USH2A: variants seen among roughly 807,000 people sequenced by gnomAD.
USH2A encodes Usher syndrome 2A (autosomal recessive, mild).
A neutral mutation model predicts 538.9 loss-of-function variants in USH2A; 443 were observed. That is an observed-to-expected ratio of 0.82 (90% CI 0.76 to 0.89). The LOEUF is 0.89. Among genes scored for constraint, USH2A ranks in the 40% least tolerant of loss-of-function variants. The pLI, the probability that USH2A is intolerant of heterozygous loss-of-function variation, is 0.00. For synonymous variants in USH2A, 2,413 were observed against 2,273.5 expected, an observed-to-expected ratio of 1.06 and a Z score of -1.75; for missense variants, 6,633 against 6,324.8, an observed-to-expected ratio of 1.05 and a Z score of -1.65.
chr1:215,791,562 T>A (rs1181966593), intron 50 of USH2A, among the ~76,000 whole-genome samples: 1 of 152,236 alleles, frequency 6.6e-6, no homozygotes, highest in African/African-American at 2.4e-5. Flanking sequence ...TAAAAACTCT[T>A]ATTTATGATT....
intron 51 of USH2A, among the ~76,000 whole-genome samples, chr1:215,788,301 AG>A: frequency 6.6e-6 from 1 of 152,210 alleles, no homozygotes; most frequent in Non-Finnish European, 1.5e-5. Flanking sequence ...CAGTAGGAGA[AG>A]CCACCTGACT....
chr1:216,307,986 G>T (rs976198678), intron 9 of USH2A, among the ~76,000 whole-genome samples: 2 of 152,104 alleles, frequency 1.3e-5, no homozygotes. Flanking sequence ...GTGGATTCTC[G>T]TGGCTTTCCT....
At chr1:215,630,768 G>T (rs1040896696) in intron 70 of USH2A, among the ~76,000 whole-genome samples, 1 of 151,198 alleles carries the variant, frequency 6.6e-6, no homozygotes, top group Non-Finnish European at 1.5e-5. Flanking sequence ...CAGGAGAATC[G>T]CTTGAACCCA....
intron 35 of USH2A, among the ~76,000 whole-genome samples, chr1:215,974,768 CTT>C (rs1337990366): frequency 6.6e-6 from 1 of 152,066 alleles, no homozygotes; most frequent in African/African-American, 2.4e-5. Context: ...GATTCCATGT[CTT>C]TGCTCTTGTG....
intron 21 of USH2A, among the ~76,000 whole-genome samples, chr1:216,165,854 G>T (rs2034156941): frequency 6.9e-6 from 1 of 145,478 alleles, no homozygotes; most frequent in Admixed American, 6.9e-5. Context: ...GGCAGTATTT[G>T]GTTATATGAA....
chr1:216,277,720 T>G (rs745855332), intron 11 of USH2A, among the ~76,000 whole-genome samples: 5 of 152,122 alleles, frequency 3.3e-5, no homozygotes, highest in East Asian at 1.9e-4. Flanking sequence ...TCTATATAAC[T>G]AGTTAGCAAT....
chr1:216,074,180 G>A (rs1447514641), intron 27 of USH2A, among the ~76,000 whole-genome samples: 6 of 152,200 alleles, frequency 3.9e-5, no homozygotes, highest in African/African-American at 1.4e-4. Flanking sequence ...CATCCAGTTA[G>A]CCAGGGAATA....
rs565628100 is a variant in USH2A, at chr1:216,223,658, C to T, written c.2994-6108G>A. Among the ~76,000 whole-genome samples, 27 of 152,306 alleles carry T rather than the reference C, an allele frequency of 1.8e-4. No individual in the cohort carries two copies. The East Asian group carries it at 5.0e-3, about 28-fold the overall frequency. ...GCCTTGGCTGCCAGATGATGACAGG[C>T]TTGTGGCCCATTTACCCTGTCACCC... On this transcript the variant is annotated intron_variant, in intron 14 of 71. Transcript: ENST00000307340.
chr1:215,965,562 C>A, intron 36 of USH2A, 83 bp from the exon 37 acceptor site: 5 of 1,527,260 alleles, frequency 3.3e-6, no homozygotes, highest in East Asian at 2.3e-5. Flanking sequence ...CAAAGAATCT[C>A]TTTTTGCTGT....
Position 216,033,685 on chromosome 1 carries a change from T to C in USH2A, c.6325+12746A>G, listed in dbSNP as rs962957374. Among the ~76,000 whole-genome samples, 20 of 152,168 alleles carry C rather than the reference T, an allele frequency of 1.3e-4. No homozygotes were observed. The East Asian group carries it at 3.9e-3, about 29-fold the overall frequency. On this transcript the variant is annotated intron_variant, in intron 32 of 71. Transcript: ENST00000307340. ...GGGCAACATGGTGAAACCTCATCTC[T>C]ACAAAAATTAGCCAGGTGTAGTGGC...
intron 58 of USH2A, among the ~76,000 whole-genome samples, chr1:215,752,720 T>A (rs1660659667): frequency 6.6e-6 from 1 of 152,192 alleles, no homozygotes; most frequent in Admixed American, 6.5e-5. Flanking sequence ...CAGTAAAATA[T>A]TATTCTCCCA....
intron 22 of USH2A, among the ~76,000 whole-genome samples, chr1:216,094,342 T>A (rs2032386470): frequency 6.6e-6 from 1 of 152,150 alleles, no homozygotes; most frequent in African/African-American, 2.4e-5. Flanking sequence ...AAACAAAACG[T>A]CAGTATAATC....
chr1:215,627,429 C>CTTCCTTCCTTCTTTCCTTCCTTCT (rs1656080508), intron 71 of USH2A, among the ~76,000 whole-genome samples: 32 of 84,006 alleles, frequency 3.8e-4, no homozygotes, highest in Middle Eastern at 6.9e-3. Context: ...TCCTTCCTTC[C>CTTCCTTCCTTCTTTCCTTCCTTCT]TTCCTTCCTT....
intron 21 of USH2A, among the ~76,000 whole-genome samples, chr1:216,115,017 G>A (rs906641201): frequency 1.3e-5 from 2 of 151,996 alleles, no homozygotes; most frequent in African/African-American, 4.8e-5. Flanking sequence ...TATAGAGAGA[G>A]CTCTATCTAT....
intron 3 of USH2A, among the ~76,000 whole-genome samples, chr1:216,409,231 A>G (rs2039442196): frequency 6.6e-6 from 1 of 152,160 alleles, no homozygotes; most frequent in Non-Finnish European, 1.5e-5. Context: ...GATGACACAA[A>G]CAGATATCAT....
chr1:215,668,587 G>C (rs1317446113), intron 64 of USH2A, among the ~76,000 whole-genome samples: 1 of 152,196 alleles, frequency 6.6e-6, no homozygotes, highest in Non-Finnish European at 1.5e-5. Flanking sequence ...AGAGCCGATA[G>C]TAACAGTTAC....
chr1:216,323,917 A>G (rs2037671154), intron 7 of USH2A, among the ~76,000 whole-genome samples: 1 of 152,198 alleles, frequency 6.6e-6, no homozygotes. Context: ...CTATTTACAT[A>G]GATAACTTGC....
intron 43 of USH2A, among the ~76,000 whole-genome samples, chr1:215,868,194 A>G (rs1664531061): frequency 2.0e-5 from 3 of 152,162 alleles, no homozygotes; most frequent in Admixed American, 1.3e-4. Flanking sequence ...CTCTGATTTG[A>G]CGATGCAAAG....
chr1:216,308,396 T>C (rs2037356990), intron 9 of USH2A, among the ~76,000 whole-genome samples: 1 of 141,702 alleles, frequency 7.1e-6, no homozygotes, highest in South Asian at 2.3e-4. Context: ...GAGTATAAAA[T>C]ATTATCACAT....
Sources: allele counts gnomAD v4.1 joint callset (sites outside exome capture counted in the v4.1 genomes callset), GRCh38; gene constraint gnomAD v4.1.1; transcripts MANE v1.5; gene names NCBI Gene and HGNC (gene_info 2026-07-23, HGNC 2026-07-21).